The following ST8SIA1 variants were observed in gnomAD, a reference collection of about 807,000 sequenced individuals.
ST8SIA1 encodes ST8 alpha-N-acetyl-neuraminide alpha-2,8-sialyltransferase 1.
ST8SIA1 carries 16 observed loss-of-function variants against 35.9 expected under a neutral mutation model. The ratio of observed to expected loss-of-function variants is 0.45; its 90% CI spans 0.30 to 0.68. The LOEUF is 0.68. Ranked by LOEUF, ST8SIA1 falls within the 30% of genes least tolerant of loss-of-function variation. The pLI, the probability that ST8SIA1 is intolerant of heterozygous loss-of-function variation, is 0.09. For synonymous variants in ST8SIA1, 170 were observed against 169.6 expected (o/e 1.00, Z -0.02); for missense variants, 383 against 453.6 (o/e 0.84, Z 1.41).
At chr12:22,208,640 C>T (rs925245448) in intron 4 of ST8SIA1, among the ~76,000 whole-genome samples, 1 of 152,042 alleles carries the variant, frequency 6.6e-6, no homozygotes, top group African/African-American at 2.4e-5. Context: ...TTCTAAACAT[C>T]ATATGAGAGG....
intron 1 of ST8SIA1, among the ~76,000 whole-genome samples, chr12:22,326,693 T>C (rs1866686166): frequency 6.6e-6 from 1 of 152,342 alleles, no homozygotes; most frequent in South Asian, 2.1e-4. Context: ...CTACATTCTT[T>C]ATCTGATTTA....
At chr12:22,233,258 G>A (rs1337852350) in intron 4 of ST8SIA1, among the ~76,000 whole-genome samples, 1 of 152,178 alleles carries the variant, frequency 6.6e-6, no homozygotes, top group Non-Finnish European at 1.5e-5. Context: ...CTGAATCTAG[G>A]AAGAAACATT....
intron 4 of ST8SIA1, among the ~76,000 whole-genome samples, chr12:22,229,789 G>A (rs1865397159): frequency 6.6e-6 from 1 of 152,144 alleles, no homozygotes; most frequent in African/African-American, 2.4e-5. Flanking sequence ...TCTAAGTGGA[G>A]TTGGCCAGTA....
At chr12:22,258,121 C>T (rs1388591419) in intron 2 of ST8SIA1, among the ~76,000 whole-genome samples, 3 of 152,080 alleles carry the variant, frequency 2.0e-5, no homozygotes, top group East Asian at 1.9e-4. Flanking sequence ...TTTGCTGATA[C>T]AATGAAAACA....
At chr12:22,220,757 A>T (rs1865288803) in intron 4 of ST8SIA1, among the ~76,000 whole-genome samples, 1 of 152,162 alleles carries the variant, frequency 6.6e-6, no homozygotes, top group Admixed American at 6.5e-5. Context: ...GAAATAGTAG[A>T]TCCTTATGCT....
intron 1 of ST8SIA1, among the ~76,000 whole-genome samples, chr12:22,292,723 C>G (rs1457897630): frequency 6.6e-6 from 1 of 152,012 alleles, no homozygotes. Flanking sequence ...AAGATGAGAA[C>G]AATACACATT....
intron 4 of ST8SIA1, among the ~76,000 whole-genome samples, chr12:22,217,298 A>G (rs1865245042): frequency 6.6e-6 from 1 of 152,214 alleles, no homozygotes; most frequent in Non-Finnish European, 1.5e-5. Context: ...CTTTAAAAAC[A>G]GATATTAATT....
At chr12:22,243,589 C>CAA (rs3216628) in intron 4 of ST8SIA1, among the ~76,000 whole-genome samples, 109,441 of 151,946 alleles carry the variant, frequency 0.72, 39,605 homozygotes, top group Middle Eastern at 0.87. Context: ...TGTATTTAAC[C>CAA]AAGTTTCCAG....
At chr12:22,284,372 AT>A (rs2135814596) in intron 2 of ST8SIA1, among the ~76,000 whole-genome samples, 1 of 152,314 alleles carries the variant, frequency 6.6e-6, no homozygotes, top group African/African-American at 2.4e-5. Context: ...ACTCACCTGC[AT>A]TTCTACCTCA....
chr12:22,209,635 T>C (rs1865155422), intron 4 of ST8SIA1, among the ~76,000 whole-genome samples: 3 of 152,174 alleles, frequency 2.0e-5, no homozygotes, highest in Admixed American at 1.3e-4. Context: ...GCTGGTGCCT[T>C]TGATATTTGT....
rs147563751 is a variant in ST8SIA1 at position 22,193,663 on chromosome 12, C to G, written c.*7889G>C. The G allele has an allele frequency of 4.4e-4, 67 of 152,240 alleles. No individual in the cohort carries two copies. Among genetic ancestry groups the G allele is most frequent in the African/African-American group, 1.5e-3 (64 of 41,548 alleles). The allele number at this position is 152,240 out of a possible 1,614,324, so 9.4% of individuals were successfully genotyped here. A position where few individuals can be genotyped will look rare whatever the true frequency, so the allele number is the denominator to read the frequency against. ...CAATTAAAGTTTTCTTTTTTACCTGCAACATTTTAGATGAAACTCTACAAA... is the reference window on the plus strand; with the variant it reads ...CAATTAAAGTTTTCTTTTTTACCTGGAACATTTTAGATGAAACTCTACAAA... On this transcript the variant is annotated 3_prime_UTR_variant, in exon 5 of 5. Coordinates refer to ENST00000396037, the MANE Select transcript of ST8SIA1 (RefSeq NM_003034.4).
chr12:22,255,167 C>G (rs974216222), intron 3 of ST8SIA1, 113 bp downstream of exon 3: 1 of 810,548 alleles, frequency 1.2e-6, no homozygotes, highest in Non-Finnish European at 2.1e-6. Context: ...AGCTAAGGAG[C>G]GTGCTACAAC....
At chr12:22,300,322 G>T (rs994555162) in intron 1 of ST8SIA1, among the ~76,000 whole-genome samples, 1 of 152,088 alleles carries the variant, frequency 6.6e-6, no homozygotes, top group African/African-American at 2.4e-5. Context: ...CAAGGTCCAG[G>T]GACTATTGCA....
chr12:22,228,986 G>A (rs1024863734), intron 4 of ST8SIA1, among the ~76,000 whole-genome samples: 4 of 149,962 alleles, frequency 2.7e-5, no homozygotes, highest in Non-Finnish European at 4.4e-5. Flanking sequence ...GCCGGGAGGC[G>A]GAGGTCGCAG....
chr12:22,332,112 A>G (rs1262217942), intron 1 of ST8SIA1, among the ~76,000 whole-genome samples: 1 of 152,154 alleles, frequency 6.6e-6, no homozygotes, highest in African/African-American at 2.4e-5. Flanking sequence ...TGAAGCTCAA[A>G]CTTATTTCAA....
chr12:22,316,046 A>G (rs1200532287), intron 1 of ST8SIA1, among the ~76,000 whole-genome samples: 2 of 152,132 alleles, frequency 1.3e-5, no homozygotes, highest in Admixed American at 1.3e-4. Context: ...TCTGTTTAGG[A>G]AAATAAAATA....
At chr12:22,247,047 T>A (rs1243409297) in intron 4 of ST8SIA1, among the ~76,000 whole-genome samples, 1 of 152,092 alleles carries the variant, frequency 6.6e-6, no homozygotes. Flanking sequence ...TGTATTTATA[T>A]TTTTTCCCCC....
In ST8SIA1 at chr12:22,210,215, T is replaced by C. The variant is rs73265968; in HGVS notation, c.585-8177A>G. ...AGTTTGTATAGTGGATTATCATATA[T>C]ACATATCATAAAAGATAAAGATAGA... On this transcript the variant is annotated intron_variant, in intron 4 of 4. Coordinates refer to ENST00000396037, the MANE Select transcript of ST8SIA1 (RefSeq NM_003034.4). Among the ~76,000 whole-genome samples the C allele has an allele frequency of 3.7e-3, 557 of 152,266 alleles. 8 individuals carry two copies. The highest frequency in any genetic ancestry group is 0.011 in the African/African-American group (475 of 41,546).
At chr12:22,234,370 T>G (rs749299117) in intron 4 of ST8SIA1, among the ~76,000 whole-genome samples, 24 of 152,220 alleles carry the variant, frequency 1.6e-4, no homozygotes, top group Non-Finnish European at 3.4e-4. Context: ...ACTAGTCTCT[T>G]CTTGCTTTGG....
Sources: gnomAD v4.1 joint callset for allele counts (sites outside exome capture counted in the v4.1 genomes callset) on GRCh38, gnomAD v4.1.1 for gene constraint, MANE v1.5 for transcripts, NCBI Gene and HGNC (gene_info 2026-07-23, HGNC 2026-07-21) for gene names.